Variants in ZNF385D observed in about 807,000 individuals in gnomAD.
The protein encoded by ZNF385D is zinc finger protein 659.
A neutral mutation model predicts 35.8 loss-of-function variants in ZNF385D; 15 were observed. The ratio of observed to expected loss-of-function variants is 0.42; its 90% CI spans 0.28 to 0.64. The LOEUF (loss-of-function observed/expected upper bound fraction) is 0.64. ZNF385D is among the 30% of genes least tolerant of loss of function. The pLI is 0.23. For missense variants in ZNF385D, 474 were observed against 494.6 expected (o/e 0.96, Z 0.39); for synonymous variants, 212 against 186.8 (o/e 1.13, Z -1.10).
chr3:22,219,607 T>C (rs1034113086), intron 2 of ZNF385D, among the ~76,000 whole-genome samples: 1 of 152,172 alleles, frequency 6.6e-6, no homozygotes, highest in African/African-American at 2.4e-5. Context: ...TAGGACTAGA[T>C]GTGTTTTGGT....
chr3:21,713,312 C>T (rs534728544), intron 1 of ZNF385D, among the ~76,000 whole-genome samples: 5 of 152,272 alleles, frequency 3.3e-5, no homozygotes, highest in East Asian at 1.9e-4. Flanking sequence ...AATTGAGAGC[C>T]CAAACTTGAG....
intron 3 of ZNF385D, among the ~76,000 whole-genome samples, chr3:21,785,320 T>C (rs949911844): frequency 1.3e-5 from 2 of 152,170 alleles, no homozygotes; most frequent in Non-Finnish European, 1.5e-5. Flanking sequence ...CATTGAGAAA[T>C]AATCACAGTT....
At chr3:22,217,549 G>A (rs912508297) in intron 2 of ZNF385D, among the ~76,000 whole-genome samples, 3 of 152,116 alleles carry the variant, frequency 2.0e-5, no homozygotes, top group Non-Finnish European at 4.4e-5. Flanking sequence ...TGGATGTTGG[G>A]ACTTTAACAC....
chr3:22,213,357 A>C (rs1417979040), intron 2 of ZNF385D, among the ~76,000 whole-genome samples: 2 of 152,086 alleles, frequency 1.3e-5, no homozygotes, highest in Non-Finnish European at 2.9e-5. Context: ...GTAGCACAAA[A>C]ACAAGACATG....
At chr3:21,585,000 A>G (rs998154339) in intron 2 of ZNF385D, among the ~76,000 whole-genome samples, 1 of 152,212 alleles carries the variant, frequency 6.6e-6, no homozygotes, top group East Asian at 1.9e-4. Flanking sequence ...TCCAGAGAAA[A>G]GAGATTGTAT....
chr3:22,013,906 C>T (rs1235393500), intron 3 of ZNF385D, among the ~76,000 whole-genome samples: 2 of 152,028 alleles, frequency 1.3e-5, no homozygotes, highest in East Asian at 3.9e-4. Flanking sequence ...AAGTACAAAG[C>T]TCTTCAAGAA....
chr3:21,618,275 C>CTGTGA (rs60481767), intron 2 of ZNF385D, among the ~76,000 whole-genome samples: 75,401 of 151,584 alleles, frequency 0.5, 18,950 homozygotes, highest in East Asian at 0.67. Context: ...GACAGACACA[C>CTGTGA]AGAAAAGATG....
At chr3:22,348,413 C>G (rs995945524) in intron 2 of ZNF385D, among the ~76,000 whole-genome samples, 1 of 147,300 alleles carries the variant, frequency 6.8e-6, no homozygotes, top group African/African-American at 2.6e-5. Context: ...TTTGGGTGGC[C>G]GAGGCAGGCA....
At chr3:21,708,374 A>C (rs2125405615) in intron 1 of ZNF385D, among the ~76,000 whole-genome samples, 1 of 152,342 alleles carries the variant, frequency 6.6e-6, no homozygotes, top group South Asian at 2.1e-4. Context: ...TAACTTACCC[A>C]AGATGGCACA....
intron 2 of ZNF385D, among the ~76,000 whole-genome samples, chr3:22,203,452 C>T (rs2125246799): frequency 6.6e-6 from 1 of 152,206 alleles, no homozygotes; most frequent in African/African-American, 2.4e-5. Context: ...AAGGAGAGAT[C>T]CCTTCTTCTT....
intron 3 of ZNF385D, among the ~76,000 whole-genome samples, chr3:21,801,165 G>T (rs1307669521): frequency 1.3e-5 from 2 of 151,920 alleles, no homozygotes; most frequent in African/African-American, 2.4e-5. Flanking sequence ...TACATTTCTG[G>T]AATAAATCCT....
chr3:22,336,524 A>G (rs1695166804), intron 2 of ZNF385D, among the ~76,000 whole-genome samples: 2 of 152,054 alleles, frequency 1.3e-5, no homozygotes, highest in African/African-American at 2.4e-5. Context: ...ATTATTTTCA[A>G]AAGTTAAGCT....
intron 3 of ZNF385D, among the ~76,000 whole-genome samples, chr3:21,757,108 T>C (rs1010336038): frequency 6.8e-6 from 1 of 147,382 alleles, no homozygotes. Context: ...TGGAGACATA[T>C]GATAAATTTC....
At chr3:21,768,532 T>C (rs999305188) in intron 3 of ZNF385D, among the ~76,000 whole-genome samples, 1 of 151,906 alleles carries the variant, frequency 6.6e-6, no homozygotes, top group African/African-American at 2.4e-5. Flanking sequence ...TTTTTATCAA[T>C]TTTAGCTCTT....
intron 3 of ZNF385D, among the ~76,000 whole-genome samples, chr3:22,112,814 G>A (rs1319186745): frequency 1.3e-5 from 2 of 151,728 alleles, no homozygotes; most frequent in African/African-American, 4.8e-5. Flanking sequence ...GTTTTACTCA[G>A]GGAATGAACT....
chr3:21,812,835 G>A (rs1559647787), intron 3 of ZNF385D, among the ~76,000 whole-genome samples: 1 of 152,194 alleles, frequency 6.6e-6, no homozygotes, highest in African/African-American at 2.4e-5. Flanking sequence ...TGACAGCTTT[G>A]AAGAGAGTAG....
At chr3:22,001,874 A>G (rs944784770) in intron 3 of ZNF385D, among the ~76,000 whole-genome samples, 2 of 152,108 alleles carry the variant, frequency 1.3e-5, no homozygotes, top group Non-Finnish European at 2.9e-5. Context: ...AATTTTTAAA[A>G]ATTGAAAAAA....
At chr3:22,223,488 C>G (rs962452504) in intron 2 of ZNF385D, among the ~76,000 whole-genome samples, 3 of 151,980 alleles carry the variant, frequency 2.0e-5, no homozygotes, top group South Asian at 2.1e-4. Context: ...AATTTCTTAT[C>G]TGTAAATTGG....
chr3:21,672,860 A>T (rs1191849802), intron 1 of ZNF385D, among the ~76,000 whole-genome samples: 1 of 152,156 alleles, frequency 6.6e-6, no homozygotes, highest in African/African-American at 2.4e-5. Flanking sequence ...GGGATCTCTC[A>T]CTTATTTAAC....
Sources: gnomAD v4.1 joint callset for allele counts (sites outside exome capture counted in the v4.1 genomes callset) on GRCh38, gnomAD v4.1.1 for gene constraint, MANE v1.5 for transcripts, NCBI Gene and HGNC (gene_info 2026-07-23, HGNC 2026-07-21) for gene names.